Variants in CDC42BPA observed in about 807,000 individuals in gnomAD.
CDC42BPA encodes serine/threonine-protein kinase MRCK alpha.
CDC42BPA carries 80 observed loss-of-function variants against 223.5 expected under a neutral mutation model. The observed-to-expected ratio is 0.36, with a 90% CI of 0.30 to 0.43. The LOEUF (loss-of-function observed/expected upper bound fraction) is 0.43. CDC42BPA is among the 20% of genes least tolerant of loss of function. The pLI is 1.00. For missense variants in CDC42BPA, 1,743 were observed against 2,099.9 expected (o/e 0.83, Z 3.32); for synonymous variants, 694 against 718.6 (o/e 0.97, Z 0.55).
chr1:227,030,368 C>CAT (rs5781458), intron 29 of CDC42BPA, 40 bp downstream of exon 29: 1,007,680 of 1,224,820 alleles, frequency 0.82, 416,708 homozygotes, highest in East Asian at 0.89. Flanking sequence ...TTTTTTAACA[C>CAT]GATTTAAAAT....
chr1:227,033,910 T>C (rs1282043521), intron 26 of CDC42BPA, among the ~76,000 whole-genome samples: 1 of 152,216 alleles, frequency 6.6e-6, no homozygotes, highest in Non-Finnish European at 1.5e-5. Context: ...TGTGATTCTT[T>C]TCCCTATCTA....
intron 5 of CDC42BPA, among the ~76,000 whole-genome samples, chr1:227,189,279 A>G (rs141283850): frequency 1.3e-5 from 2 of 152,310 alleles, no homozygotes; most frequent in East Asian, 3.9e-4. Flanking sequence ...AATACTGCCC[A>G]AAGAAAGGAA....
In CDC42BPA at chr1:226,994,433, G is replaced by C. The variant is rs1481757223; in HGVS notation, c.5134-34C>G. On this transcript the variant is annotated intron_variant, in intron 36 of 36. Transcript: ENST00000366766. This position sits in a 1 kb window ranked among gnomAD's most constrained non-coding sequence, Gnocchi z 4.0. Reference sequence around the variant, plus strand: ...CCCAAAGTAAAACATTAATGAGAAGGAGGGGGAGAAAGGGAGGCAGAAGGG... The same window carrying C: ...CCCAAAGTAAAACATTAATGAGAAGCAGGGGGAGAAAGGGAGGCAGAAGGG... The C allele has an allele frequency of 6.8e-7, 1 of 1,468,074 alleles. No individual in the cohort carries two copies. Among genetic ancestry groups the C allele is most frequent in the Non-Finnish European group, 9.1e-7 (1 of 1,104,326 alleles). 90.9% of individuals were successfully genotyped at this position (1,468,074 alleles called of 1,614,324 possible). A position where few individuals can be genotyped will look rare whatever the true frequency, so the allele number is the denominator to read the frequency against.
chr1:227,015,269 C>T (rs1047772116), intron 34 of CDC42BPA, among the ~76,000 whole-genome samples: 4 of 151,780 alleles, frequency 2.6e-5, no homozygotes, highest in African/African-American at 4.8e-5. Context: ...ACTAAAAATA[C>T]AAAATTAGCT....
Position 227,112,885 on chromosome 1 carries a change from T to C in CDC42BPA, c.1676A>G (p.Lys559Arg). ...GTCTTTCAGCTCTTTGGATTGGTTT[T>C]TTAATCGCTCACTAGCCTGGACTAG... ...KELVQASERL[K>R]NQSKELKDAH... is the part of the protein sequence containing the mutation. The change falls in exon 13 of 37, where the codon AAA becomes AGA. Residue 559 changes from lysine to arginine, a missense_variant. Lys to Arg is a conservative substitution (Grantham distance 26, BLOSUM62 2). This residue lies in a region of CDC42BPA where 464 missense variants were observed against 488.0 expected (regional missense o/e 0.95). Coordinates refer to ENST00000366766, the MANE Select transcript of CDC42BPA (RefSeq NM_001394014.1). 1 of 1,614,068 alleles carries C rather than the reference T, an allele frequency of 6.2e-7. No homozygotes were observed. Among genetic ancestry groups the C allele is most frequent in the Non-Finnish European group, 8.5e-7 (1 of 1,179,954 alleles).
At chr1:227,225,698 T>C (rs1300690686) in intron 2 of CDC42BPA, among the ~76,000 whole-genome samples, 2 of 152,230 alleles carry the variant, frequency 1.3e-5, no homozygotes, top group African/African-American at 4.8e-5. Flanking sequence ...GATTTCTTTC[T>C]GCCGCAATTC....
chr1:227,111,421 G>A (rs372349921), intron 14 of CDC42BPA, among the ~76,000 whole-genome samples: 2 of 152,120 alleles, frequency 1.3e-5, no homozygotes, highest in East Asian at 1.9e-4. Flanking sequence ...GCTTACAAAT[G>A]TATGTATGTA....
intron 10 of CDC42BPA, among the ~76,000 whole-genome samples, chr1:227,129,959 C>T (rs1181151339): frequency 6.6e-6 from 1 of 151,884 alleles, no homozygotes. Context: ...AAAGTTGAGG[C>T]CCAGCTACAG....
At position 226,994,603 on chromosome 1, in the gene CDC42BPA, G is replaced by A. The variant is rs1037257408; in HGVS notation, c.5134-204C>T. 2.6e-5 allele frequency among the ~76,000 whole-genome samples: 4 copies of A among 152,176 alleles called. No individual in the cohort carries two copies. Among genetic ancestry groups the A allele is most frequent in the South Asian group, 2.1e-4 (1 of 4,826 alleles). The stretch of plus-strand genomic sequence containing the variant: ...GTCCTTTCTGTAGGCCTTTACAGAT[G>A]ATGGTATTTTCACACAAAAGCCAGA... On this transcript the variant is annotated intron_variant, in intron 36 of 36. Coordinates refer to ENST00000366766, the MANE Select transcript of CDC42BPA (RefSeq NM_001394014.1). The surrounding 1 kb of genome is among the most constrained non-coding windows in gnomAD (Gnocchi z 4.0).
chr1:227,072,595 A>G (rs61133665), intron 19 of CDC42BPA, among the ~76,000 whole-genome samples: 43,056 of 151,874 alleles, frequency 0.28, 6,315 homozygotes, highest in African/African-American at 0.35. Flanking sequence ...TATTTACTAA[A>G]TGAACCTTTA....
intron 30 of CDC42BPA, among the ~76,000 whole-genome samples, chr1:227,026,591 G>C (rs1033526648): frequency 2.6e-5 from 4 of 152,196 alleles, no homozygotes; most frequent in Non-Finnish European, 5.9e-5. Context: ...GAATAGGGTA[G>C]ATGCTCAATA....
intron 1 of CDC42BPA, among the ~76,000 whole-genome samples, chr1:227,272,878 G>A (rs1686193850): frequency 6.6e-6 from 1 of 152,190 alleles, no homozygotes; most frequent in African/African-American, 2.4e-5. Context: ...TGCAAAACCT[G>A]GCTCCATCAT....
chr1:227,054,232 G>A (rs758358900), intron 21 of CDC42BPA, among the ~76,000 whole-genome samples: 3 of 152,166 alleles, frequency 2.0e-5, no homozygotes, highest in Non-Finnish European at 4.4e-5. Context: ...CTGATATAAC[G>A]GCTTTGTATT....
At chr1:227,265,790 T>C (rs1318841723) in intron 1 of CDC42BPA, among the ~76,000 whole-genome samples, 1 of 152,156 alleles carries the variant, frequency 6.6e-6, no homozygotes, top group Non-Finnish European at 1.5e-5. Flanking sequence ...CATTTTTAAG[T>C]GAATGTTTTT....
chr1:227,054,443 A>G (rs1015103113), intron 21 of CDC42BPA, among the ~76,000 whole-genome samples: 4 of 152,132 alleles, frequency 2.6e-5, no homozygotes, highest in African/African-American at 9.7e-5. Context: ...TTGTCAGTAT[A>G]TGGACTAATG....
intron 14 of CDC42BPA, among the ~76,000 whole-genome samples, chr1:227,108,884 T>A (rs139121040): frequency 6.6e-6 from 1 of 152,156 alleles, no homozygotes; most frequent in African/African-American, 2.4e-5. Context: ...ACCTAGGCTA[T>A]ATGGTATAGC....
At chr1:227,256,936 TATATATATACAGAC>T (rs1683135084) in intron 1 of CDC42BPA, among the ~76,000 whole-genome samples, 1 of 93,174 alleles carries the variant, frequency 1.1e-5, no homozygotes, top group African/African-American at 4.7e-5. Context: ...CAAAATGTGA[TATATATATACAGAC>T]ACACACACAC....
rs1558931105 is a variant in CDC42BPA at position 227,275,582 on chromosome 1, G to GT, written c.179-21428dup. ...TAAACAATATTAGAAATGAAAAAAT[G>GT]TTCCCCCTCCCCCTCCCCCTCTCCC... On this transcript the variant is annotated intron_variant, in intron 1 of 36. Transcript: ENST00000366766. Among the ~76,000 whole-genome samples, 7 of 150,530 alleles carry GT rather than the reference G, an allele frequency of 4.7e-5. No homozygotes were observed. The South Asian group carries it at 1.5e-3, about 32-fold the overall frequency.
chr1:227,029,350 C>T (rs932361606), intron 29 of CDC42BPA, 100 bp from the exon 30 acceptor site: 9 of 741,454 alleles, frequency 1.2e-5, no homozygotes, highest in South Asian at 2.0e-5. Context: ...GATGCACATA[C>T]GGAAGAATAA....
Sources: allele counts gnomAD v4.1 joint callset (sites outside exome capture counted in the v4.1 genomes callset), GRCh38; gene constraint gnomAD v4.1.1; regional missense constraint gnomAD v4.1.1; non-coding constraint Gnocchi (gnomAD v3.1); transcripts MANE v1.5; gene names NCBI Gene and HGNC (gene_info 2026-07-23, HGNC 2026-07-21).